Variants in MCPH1 observed in about 807,000 individuals in gnomAD.
MCPH1 encodes the protein microcephalin.
A neutral mutation model predicts 84.5 loss-of-function variants in MCPH1; 104 were observed. That is an observed-to-expected ratio of 1.23 (90% CI 1.05 to 1.45). MCPH1 has a LOEUF of 1.45. MCPH1 is among the 40% of genes most tolerant of loss of function. The probability of loss-of-function intolerance (pLI) is 0.00; values close to 1 mark genes in which losing one functional copy is unlikely to be tolerated. For synonymous variants in MCPH1, 514 were observed against 366.8 expected, an observed-to-expected ratio of 1.40 and a Z score of -4.58; for missense variants, 1,498 against 1,005.7, an observed-to-expected ratio of 1.49 and a Z score of -6.62.
intron 9 of MCPH1, among the ~76,000 whole-genome samples, chr8:6,472,288 T>C (rs1422320849): frequency 1.3e-5 from 2 of 152,196 alleles, no homozygotes; most frequent in South Asian, 4.1e-4. Flanking sequence ...ATTAATAACA[T>C]ATATTTAACC....
chr8:6,527,725 A>G (rs1446171498), intron 12 of MCPH1: 1 of 1,493,990 alleles, frequency 6.7e-7, no homozygotes, highest in African/African-American at 1.4e-5. Flanking sequence ...TAATTAGTTT[A>G]ACTTTCTAAC....
chr8:6,432,479 G>T (rs1199345340), intron 4 of MCPH1, among the ~76,000 whole-genome samples: 1 of 152,204 alleles, frequency 6.6e-6, no homozygotes, highest in Admixed American at 6.5e-5. Context: ...TTTCATTTGA[G>T]ATAGAATTCA....
In MCPH1 at chr8:6,624,197, C is replaced by G. The variant is rs535561329; in HGVS notation, c.2452+2506C>G. On this transcript the variant is annotated intron_variant, in intron 13 of 13. Transcript: ENST00000344683. ...TCCTGAGGCTTCGATCCCGCAAAGC[C>G]CTTCAGAGTTCTCTGACTTCCAGGC... Among the ~76,000 whole-genome samples, 23 of 152,386 alleles carry G rather than the reference C, an allele frequency of 1.5e-4. No homozygotes were observed. The South Asian group carries it at 4.3e-3, about 29-fold the overall frequency.
chr8:6,479,247 A>G (rs1296225112), intron 10 of MCPH1, among the ~76,000 whole-genome samples: 2 of 151,718 alleles, frequency 1.3e-5, no homozygotes, highest in Non-Finnish European at 2.9e-5. Context: ...AGCCTGGGCA[A>G]CAGAGTGAGA....
chr8:6,618,052 G>A (rs1036489458), intron 12 of MCPH1, among the ~76,000 whole-genome samples: 2 of 152,106 alleles, frequency 1.3e-5, no homozygotes, highest in South Asian at 4.1e-4. Flanking sequence ...GATTACAGGT[G>A]TTAGCCACTT....
chr8:6,501,215 T>C (rs950648703), intron 12 of MCPH1: 1 of 152,184 alleles, frequency 6.6e-6, no homozygotes, highest in East Asian at 1.9e-4. Context: ...TCCAAATATG[T>C]AGCAACACCT....
At chr8:6,628,354 C>T (rs752651736) in intron 13 of MCPH1, among the ~76,000 whole-genome samples, 1 of 151,024 alleles carries the variant, frequency 6.6e-6, no homozygotes, top group Non-Finnish European at 1.5e-5. Context: ...GCCTGTAGTC[C>T]CAGCTACTCA....
chr8:6,489,693 G>A (rs184422887), intron 11 of MCPH1, among the ~76,000 whole-genome samples: 7 of 152,254 alleles, frequency 4.6e-5, no homozygotes, highest in Admixed American at 1.3e-4. Flanking sequence ...GGTTGGCAGC[G>A]AATGGGGCAC....
At chr8:6,507,749 A>G (rs1213426862) in intron 12 of MCPH1, 4 of 151,708 alleles carry the variant, frequency 2.6e-5, no homozygotes, top group Non-Finnish European at 5.9e-5. Flanking sequence ...TGCCCAGGTA[A>G]TTTTTGTATT....
chr8:6,632,682 G>GCA (rs1797254742), intron 13 of MCPH1, among the ~76,000 whole-genome samples: 1 of 152,114 alleles, frequency 6.6e-6, no homozygotes, highest in Non-Finnish European at 1.5e-5. Flanking sequence ...GGTGGCACGT[G>GCA]CCTGTAGTCC....
At chr8:6,525,531 G>T (rs1219982628) in intron 12 of MCPH1, among the ~76,000 whole-genome samples, 1 of 152,174 alleles carries the variant, frequency 6.6e-6, no homozygotes, top group Non-Finnish European at 1.5e-5. Flanking sequence ...TGCCTGGCTT[G>T]AATCTATTCT....
chr8:6,454,033 T>G (rs1805401581), intron 8 of MCPH1, among the ~76,000 whole-genome samples: 2 of 152,222 alleles, frequency 1.3e-5, no homozygotes, highest in African/African-American at 4.8e-5. Flanking sequence ...GGACCCTGTT[T>G]TTGAAAAGAG....
chr8:6,550,820 A>G (rs962417766), intron 12 of MCPH1, among the ~76,000 whole-genome samples: 2 of 152,170 alleles, frequency 1.3e-5, no homozygotes, highest in African/African-American at 2.4e-5. Context: ...GAGTGAGACG[A>G]TGTAAGCACA....
chr8:6,422,856 T>G (rs1800430139), intron 3 of MCPH1, among the ~76,000 whole-genome samples: 1 of 151,686 alleles, frequency 6.6e-6, no homozygotes, highest in Non-Finnish European at 1.5e-5. Context: ...GCCCGGCTAA[T>G]TTTTTGTGGT....
intron 12 of MCPH1, among the ~76,000 whole-genome samples, chr8:6,505,179 T>TATATATATATAGTCTTATGTATATATAGA (rs1813051072): frequency 8.2e-6 from 1 of 122,648 alleles, no homozygotes; most frequent in Admixed American, 9.4e-5. Flanking sequence ...CCAAAGAATA[T>TATATATATATAGTCTTATGTATATATAGA]ATATATATAT....
intron 11 of MCPH1, among the ~76,000 whole-genome samples, chr8:6,487,045 C>T (rs369181542): frequency 2.1e-4 from 32 of 152,164 alleles, no homozygotes; most frequent in African/African-American, 6.5e-4. Flanking sequence ...TCACTCTGTC[C>T]AGCACAGTGA....
chr8:6,454,690 T>C (rs569567847), intron 8 of MCPH1, among the ~76,000 whole-genome samples: 1 of 152,238 alleles, frequency 6.6e-6, no homozygotes, highest in South Asian at 2.1e-4. Context: ...CATCCATCAT[T>C]TGTAGGTTGA....
intron 12 of MCPH1, among the ~76,000 whole-genome samples, chr8:6,608,539 A>C (rs757519364): frequency 3.9e-5 from 6 of 152,132 alleles, no homozygotes; most frequent in Non-Finnish European, 7.4e-5. Flanking sequence ...TCACTTGCTA[A>C]GTGCTCACTG....
intron 12 of MCPH1, among the ~76,000 whole-genome samples, chr8:6,554,586 G>A (rs1051026462): frequency 4.6e-5 from 7 of 152,030 alleles, no homozygotes; most frequent in Non-Finnish European, 8.8e-5. Flanking sequence ...TTGGTTGTTG[G>A]TTTTTAAAAT....
Sources: gnomAD v4.1 joint callset for allele counts (sites outside exome capture counted in the v4.1 genomes callset) on GRCh38, gnomAD v4.1.1 for gene constraint, MANE v1.5 for transcripts, NCBI Gene and HGNC (gene_info 2026-07-23, HGNC 2026-07-21) for gene names.